CCDC6: variants seen among roughly 807,000 people sequenced by gnomAD.
CCDC6 encodes coiled-coil domain-containing protein 6.
A neutral mutation model predicts 56.6 loss-of-function variants in CCDC6; 20 were observed. The observed-to-expected ratio is 0.35, with a 90% confidence interval of 0.25 to 0.51. The LOEUF is 0.51. Among genes scored for constraint, CCDC6 ranks in the 20% least tolerant of loss-of-function variants. The pLI, the probability that CCDC6 is intolerant of heterozygous loss-of-function variation, is 0.95. For synonymous variants in CCDC6, 241 were observed against 234.4 expected (o/e 1.03, Z -0.26); for missense variants, 367 against 601.1 (o/e 0.61, Z 4.07).
intron 1 of CCDC6, among the ~76,000 whole-genome samples, chr10:59,898,759 T>C (rs1225810552): frequency 1.3e-5 from 2 of 152,246 alleles, no homozygotes; most frequent in African/African-American, 4.8e-5. Flanking sequence ...TTTGAGGCTA[T>C]ATTTATTTTA....
At chr10:59,890,385 A>AAAGGAGGGGATGCTGCC (rs1164406946) in intron 1 of CCDC6, among the ~76,000 whole-genome samples, 8 of 152,176 alleles carry the variant, frequency 5.3e-5, no homozygotes, top group East Asian at 1.9e-4. Flanking sequence ...GAGCCCCGCA[A>AAAGGAGGGGATGCTGCC]AAGGAGGGGA....
intron 1 of CCDC6, among the ~76,000 whole-genome samples, chr10:59,853,796 A>G (rs1331261101): frequency 6.6e-6 from 1 of 152,126 alleles, no homozygotes; most frequent in Non-Finnish European, 1.5e-5. Context: ...ACAGAAGAGA[A>G]GGGAGTCTTT....
chr10:59,824,151 T>C (rs1012282566), intron 3 of CCDC6, among the ~76,000 whole-genome samples: 1 of 152,248 alleles, frequency 6.6e-6, no homozygotes, highest in South Asian at 2.1e-4. Flanking sequence ...AGTTTTTCTA[T>C]TTAATTGAAA....
intron 2 of CCDC6, among the ~76,000 whole-genome samples, chr10:59,842,498 C>T (rs571116311): frequency 3.9e-5 from 6 of 152,262 alleles, no homozygotes; most frequent in Non-Finnish European, 5.9e-5. Context: ...TGGCAAATTA[C>T]ACTTACTGAT....
chr10:59,792,273 C>A lies in CCDC6; in HGVS notation c.*644G>T, dbSNP rs2070474808. The A allele has an allele frequency of 6.1e-6, 2 of 325,400 alleles. No individual in the cohort carries two copies. The highest frequency in any genetic ancestry group is 1.2e-5 in the Non-Finnish European group (2 of 173,500). The allele number at this position is 325,400 out of a possible 1,614,324, so 20.2% of individuals were successfully genotyped here. A position where few individuals can be genotyped will look rare whatever the true frequency, so the allele number is the denominator to read the frequency against. ...TCCCATTTATGTGGAGAAGGTACAG[C>A]CACATGATTCATTACTTTGGGCCAT... On this transcript the variant is annotated 3_prime_UTR_variant, in exon 9 of 9. Coordinates refer to ENST00000263102, the MANE Select transcript of CCDC6 (RefSeq NM_005436.5).
At chr10:59,877,301 CAA>C (rs768688822) in intron 1 of CCDC6, among the ~76,000 whole-genome samples, 6 of 152,116 alleles carry the variant, frequency 3.9e-5, no homozygotes, top group Admixed American at 6.5e-5. Context: ...AAGTTTGAAA[CAA>C]GAGTAGGATG....
Position 59,832,624 on chromosome 10 carries a change from C to G in CCDC6, c.483G>C (p.Gln161His). Residue 161 changes from glutamine to histidine, a missense_variant, in exon 3 of 9, where the codon CAG becomes CAC. By Grantham distance (24) the Gln-to-His change is conservative. Coordinates refer to ENST00000263102, the MANE Select transcript of CCDC6 (RefSeq NM_005436.5). ...GAAATTCCTGCTCTTGTTCAAGATG[C>G]TGTTCTAGTTCGGCTTTCTCATGCT... ...QLQHEKAELEQHLEQEQEFQV... is the reference protein window; with the variant it reads ...QLQHEKAELEHHLEQEQEFQV... 6.2e-7 allele frequency: 1 copy of G among 1,613,146 alleles called. No individual in the cohort carries two copies. Among genetic ancestry groups the G allele is most frequent in the Non-Finnish European group, 8.5e-7 (1 of 1,179,636 alleles).
In CCDC6 at chr10:59,849,765, C is replaced by T. The variant is rs576570234; in HGVS notation, c.453+2788G>A. ...TTAGCAGGCTTTTTTTTAGCAAGGT[C>T]CTGTGCAGAAGCAAACATCCTAGAA... is the stretch of plus-strand genomic sequence containing the variant. On this transcript the variant is annotated intron_variant, in intron 2 of 8. Transcript: ENST00000263102. Among the ~76,000 whole-genome samples, 210 of 152,124 alleles carry T rather than the reference C, an allele frequency of 1.4e-3. 2 individuals carry two copies. Among genetic ancestry groups the T allele is most frequent in the Middle Eastern group, 3.4e-3 (1 of 294 alleles).
At chr10:59,903,495 A>G (rs910347792) in intron 1 of CCDC6, among the ~76,000 whole-genome samples, 2 of 152,290 alleles carry the variant, frequency 1.3e-5, no homozygotes, top group Admixed American at 6.5e-5. Flanking sequence ...GTCGGGGGAA[A>G]AAAAGAGCCC....
At chr10:59,865,174 C>G (rs909677433) in intron 1 of CCDC6, among the ~76,000 whole-genome samples, 1 of 152,218 alleles carries the variant, frequency 6.6e-6, no homozygotes. Context: ...GTTTCCAACC[C>G]TGGCCCAGGG....
chr10:59,879,234 G>A (rs1284704884), intron 1 of CCDC6, among the ~76,000 whole-genome samples: 2 of 152,110 alleles, frequency 1.3e-5, no homozygotes, highest in Non-Finnish European at 2.9e-5. Context: ...GATCTAAAGG[G>A]TAATGTTCTA....
chr10:59,872,272 C>T (rs2071236088), intron 1 of CCDC6, among the ~76,000 whole-genome samples: 1 of 152,232 alleles, frequency 6.6e-6, no homozygotes. Context: ...TTACAATGAA[C>T]ATGCTTGAAC....
chr10:59,834,151 T>C (rs1355146657), intron 2 of CCDC6, among the ~76,000 whole-genome samples: 1 of 152,128 alleles, frequency 6.6e-6, no homozygotes, highest in Non-Finnish European at 1.5e-5. Context: ...GAGGCAAGCC[T>C]GATCATCCTC....
rs117848933 is a variant in CCDC6, at chr10:59,897,240, T to A, written c.303+8882A>T. Reference sequence around the variant, plus strand: ...AGTAGAATAAAAGTTATCATTTGAGTTGGTATATTAGGATAATTTTTTTTT... The same window carrying A: ...AGTAGAATAAAAGTTATCATTTGAGATGGTATATTAGGATAATTTTTTTTT... On this transcript the variant is annotated intron_variant, in intron 1 of 8. Transcript: ENST00000263102. 4.9e-3 allele frequency among the ~76,000 whole-genome samples: 745 copies of A among 152,080 alleles called. 2 individuals carry two copies. Among genetic ancestry groups the A allele is most frequent in the Non-Finnish European group, 8.6e-3 (588 of 67,978 alleles).
At chr10:59,844,022 G>A (rs530623877) in intron 2 of CCDC6, among the ~76,000 whole-genome samples, 23 of 152,168 alleles carry the variant, frequency 1.5e-4, no homozygotes, top group East Asian at 1.4e-3. Context: ...TGGGTGCTTC[G>A]TTCCCACCTT....
chr10:59,835,696 T>C (rs1009060958), intron 2 of CCDC6, among the ~76,000 whole-genome samples: 3 of 152,224 alleles, frequency 2.0e-5, no homozygotes, highest in Non-Finnish European at 2.9e-5. Flanking sequence ...AAGCAGAGCA[T>C]GGAGTTCCTG....
chr10:59,831,677 G>A (rs1227890165), intron 3 of CCDC6, among the ~76,000 whole-genome samples: 2 of 152,176 alleles, frequency 1.3e-5, no homozygotes, highest in South Asian at 2.1e-4. Flanking sequence ...TATAACTTAA[G>A]GGAACTAAAA....
intron 7 of CCDC6, among the ~76,000 whole-genome samples, chr10:59,795,875 G>A (rs7088776): frequency 0.18 from 27,254 of 151,654 alleles, 3,249 homozygotes; most frequent in East Asian, 0.33. Context: ...CCAGTCTATC[G>A]TTGTTGGACA....
chr10:59,896,047 G>C lies in CCDC6; in HGVS notation c.303+10075C>G, dbSNP rs78404540. Among the ~76,000 whole-genome samples, 1,201 of 152,268 alleles carry C rather than the reference G, an allele frequency of 7.9e-3. 21 individuals are homozygous for C. Among genetic ancestry groups the C allele is most frequent in the African/African-American group, 0.028 (1,159 of 41,534 alleles). On this transcript the variant is annotated intron_variant, in intron 1 of 8. Transcript: ENST00000263102. ...GAAAGTAATGTTGTGCACACTCCAC[G>C]GGGAGAGGATAACTAGAAGCTCCAC...
Sources: gnomAD v4.1 joint callset for allele counts (sites outside exome capture counted in the v4.1 genomes callset) on GRCh38, gnomAD v4.1.1 for gene constraint, MANE v1.5 for transcripts, NCBI Gene and HGNC (gene_info 2026-07-23, HGNC 2026-07-21) for gene names.